Variants in NMBR observed in about 807,000 individuals in gnomAD.
NMBR encodes the protein neuromedin-B receptor.
Under a neutral mutation model 20.5 loss-of-function variants are expected in NMBR, and 16 were observed. The observed-to-expected ratio is 0.78, with a 90% CI of 0.53 to 1.19. The LOEUF (loss-of-function observed/expected upper bound fraction) is 1.19. NMBR is among the 50% of genes most tolerant of loss of function. The probability of loss-of-function intolerance (pLI) is 0.00; values close to 1 mark genes in which losing one functional copy is unlikely to be tolerated. For missense variants in NMBR, 582 were observed against 499.1 expected, an observed-to-expected ratio of 1.17 and a Z score of -1.58; for synonymous variants, 212 against 196.6, an observed-to-expected ratio of 1.08 and a Z score of -0.65.
rs6939101 is a variant in NMBR at position 142,089,184 on chromosome 6, G to A, written c.-526C>T. 8.8e-3 allele frequency: 1,409 copies of A among 159,310 alleles called. 30 individuals are homozygous for A. Among genetic ancestry groups the A allele is most frequent in the African/African-American group, 0.032 (1,335 of 41,562 alleles). 9.9% of individuals were successfully genotyped at this position (159,310 alleles called of 1,614,324 possible). A position where few individuals can be genotyped will look rare whatever the true frequency, so the allele number is the denominator to read the frequency against. On this transcript the variant is annotated 5_prime_UTR_variant, in exon 2 of 4. Coordinates refer to ENST00000258042, the MANE Select transcript of NMBR (RefSeq NM_002511.4). The stretch of plus-strand genomic sequence containing the variant: ...GTTCCTGTTGTATTGTGTGGAACTG[G>A]AGGGGAGGTCAGTCCTCCATGCATG...
chr6:142,098,072 C>G lies in NMBR; in HGVS notation c.-663-8751G>C, dbSNP rs565907804. Among the ~76,000 whole-genome samples the G allele has an allele frequency of 4.6e-5, 7 of 151,962 alleles. No individual in the cohort carries two copies. In the East Asian group the frequency reaches 1.4e-3, roughly 29 times the overall value. ...GAAAACTTTAAGTGGCCCAATGTGA[C>G]TACAGTTGGATCTCCAAAGGACAGA... On this transcript the variant is annotated intron_variant, in intron 1 of 3. Transcript: ENST00000258042.
chr6:142,089,156 G>C lies in NMBR; in HGVS notation c.-498C>G, dbSNP rs1777271571. 6.0e-6 allele frequency: 1 copy of C among 165,832 alleles called. No individual in the cohort carries two copies. The highest frequency in any genetic ancestry group is 5.5e-5 in the Admixed American group (1 of 18,194). The allele number at this position is 165,832 out of a possible 1,614,324, so 10.3% of individuals were successfully genotyped here. On this transcript the variant is annotated 5_prime_UTR_variant, in exon 2 of 4. An upstream open reading frame in the 5' UTR gains an earlier in-frame stop. Coordinates refer to ENST00000258042, the MANE Select transcript of NMBR (RefSeq NM_002511.4). The stretch of plus-strand genomic sequence containing the variant: ...TTCCCACAGCTTTGCTCTTGTTTGT[G>C]AAGTTCCTGTTGTATTGTGTGGAAC...
intron 2 of NMBR, among the ~76,000 whole-genome samples, chr6:142,085,990 G>A (rs1402226055): frequency 1.4e-5 from 2 of 143,080 alleles, no homozygotes; most frequent in Non-Finnish European, 3.0e-5. Flanking sequence ...TTTTTTCACT[G>A]TAATAAATCT....
intron 2 of NMBR, among the ~76,000 whole-genome samples, chr6:142,080,330 T>G (rs1206281605): frequency 1.4e-5 from 2 of 147,142 alleles, no homozygotes; most frequent in Non-Finnish European, 3.0e-5. Context: ...TTTTTTTTTT[T>G]GACAGGGTCT....
intron 1 of NMBR, among the ~76,000 whole-genome samples, chr6:142,114,570 T>C (rs1333381975): frequency 1.3e-5 from 2 of 152,086 alleles, no homozygotes; most frequent in East Asian, 1.9e-4. Context: ...GAAAATAACA[T>C]CAGGGTTCAA....
chr6:142,145,020 T>TAAAAAAAACAAAA (rs1778408170), intron 1 of NMBR, among the ~76,000 whole-genome samples: 1 of 97,642 alleles, frequency 1.0e-5, no homozygotes, highest in Non-Finnish European at 1.9e-5. Context: ...AGAACCTGTC[T>TAAAAAAAACAAAA]AAAAAAAAAA....
intron 1 of NMBR, among the ~76,000 whole-genome samples, chr6:142,131,138 A>G (rs1778134510): frequency 6.6e-6 from 1 of 152,192 alleles, no homozygotes; most frequent in Non-Finnish European, 1.5e-5. Flanking sequence ...GATCAAGAGT[A>G]GCCACATCCA....
At chr6:142,109,543 G>A (rs908413855) in intron 1 of NMBR, among the ~76,000 whole-genome samples, 5 of 139,054 alleles carry the variant, frequency 3.6e-5, no homozygotes, top group Non-Finnish European at 6.0e-5. Flanking sequence ...GCAGTGGCAC[G>A]ATCTCTGCTC....
intron 1 of NMBR, among the ~76,000 whole-genome samples, chr6:142,112,562 C>T (rs748905931): frequency 6.6e-6 from 1 of 152,132 alleles, no homozygotes; most frequent in African/African-American, 2.4e-5. Flanking sequence ...GCCTTTACTC[C>T]CAACATCCTT....
Position 142,076,001 on chromosome 6 carries a change from A to G in NMBR, c.820T>C (p.Cys274Arg). 2 of 1,608,086 alleles carry G rather than the reference A, an allele frequency of 1.2e-6. No individual in the cohort carries two copies. Among genetic ancestry groups the G allele is most frequent in the Non-Finnish European group, 1.7e-6 (2 of 1,178,032 alleles). Residue 274 changes from cysteine (C) to arginine (R), a missense_variant, in exon 4 of 4, where the codon TGT (cysteine) becomes CGT (arginine). Cys to Arg is a radical substitution (Grantham distance 180). Transcript: ENST00000258042. ...TTTGGAAACCAACAGAAGATGAAAC[A>G]GCCCACAAAGACAAGCACAATTTTA... Reference protein sequence around the residue: ...LAKIVLVFVGCFIFCWFPNHI... With the variant: ...LAKIVLVFVGRFIFCWFPNHI...
At chr6:142,129,941 C>A (rs1360975245) in intron 1 of NMBR, among the ~76,000 whole-genome samples, 1 of 152,108 alleles carries the variant, frequency 6.6e-6, no homozygotes, top group African/African-American at 2.4e-5. Context: ...AGCCCGTGAT[C>A]TTAGGTACTG....
chr6:142,145,677 C>T (rs1395500447), intron 1 of NMBR, among the ~76,000 whole-genome samples: 1 of 152,162 alleles, frequency 6.6e-6, no homozygotes, highest in Non-Finnish European at 1.5e-5. Flanking sequence ...ATCTCAATAG[C>T]AGGAAATGCT....
chr6:142,107,697 C>T (rs1777685173), intron 1 of NMBR, among the ~76,000 whole-genome samples: 1 of 151,992 alleles, frequency 6.6e-6, no homozygotes, highest in Admixed American at 6.6e-5. Flanking sequence ...GAGTGTGACC[C>T]TTATACCGGA....
intron 2 of NMBR, among the ~76,000 whole-genome samples, chr6:142,085,665 T>C (rs1777186101): frequency 6.6e-6 from 1 of 152,172 alleles, no homozygotes; most frequent in South Asian, 2.1e-4. Context: ...CTAATGATGC[T>C]GACATCAATG....
At chr6:142,091,397 T>A (rs537453168) in intron 1 of NMBR, among the ~76,000 whole-genome samples, 6 of 152,180 alleles carry the variant, frequency 3.9e-5, no homozygotes, top group South Asian at 4.1e-4. Context: ...CTAACTTTTT[T>A]AATTTTTTGT....
chr6:142,125,512 C>CATGCAT (rs1778017216), intron 1 of NMBR, among the ~76,000 whole-genome samples: 22 of 76,828 alleles, frequency 2.9e-4, no homozygotes, highest in Non-Finnish European at 3.8e-4. Context: ...CATATACATA[C>CATGCAT]ATACACAATT....
At chr6:142,110,959 G>C (rs1384720146) in intron 1 of NMBR, among the ~76,000 whole-genome samples, 1 of 152,116 alleles carries the variant, frequency 6.6e-6, no homozygotes, top group Non-Finnish European at 1.5e-5. Context: ...AGACATACTG[G>C]CTGCGTGCGG....
chr6:142,096,496 T>C (rs1161860960), intron 1 of NMBR, among the ~76,000 whole-genome samples: 1 of 152,224 alleles, frequency 6.6e-6, no homozygotes, highest in Non-Finnish European at 1.5e-5. Context: ...GTGAGTTTCT[T>C]AATCCTGAGT....
rs146678853 is a variant in NMBR at position 142,076,500 on chromosome 6, C to T, written c.772-451G>A. 6.2e-3 allele frequency among the ~76,000 whole-genome samples: 939 copies of T among 152,202 alleles called. 29 individuals are homozygous for T. The South Asian group carries it at 0.066, about 11-fold the overall frequency. On this transcript the variant is annotated intron_variant, in intron 3 of 3. Transcript: ENST00000258042. ...AAGCAGGGCTTGCTGTTTAAAACTA[C>T]CACTCCACAGGAAAACAAAATAGCA...
Sources: allele counts gnomAD v4.1 joint callset (sites outside exome capture counted in the v4.1 genomes callset), GRCh38; gene constraint gnomAD v4.1.1; transcripts MANE v1.5; gene names NCBI Gene and HGNC (gene_info 2026-07-23, HGNC 2026-07-21).